Variants in TMEM114 observed in about 807,000 individuals in gnomAD.
TMEM114 encodes transmembrane protein 114.
Under a neutral mutation model 6.2 loss-of-function variants are expected in TMEM114, and 6 were observed. The observed-to-expected ratio is 0.97, with a 90% CI of 0.53 to 1.91. TMEM114 has a LOEUF of 1.91. TMEM114 is among the 40% of genes most tolerant of loss of function. The pLI, the probability that TMEM114 is intolerant of heterozygous loss-of-function variation, is 0.01. For missense variants in TMEM114, 218 were observed against 158.3 expected (o/e 1.38, Z -2.02); for synonymous variants, 104 against 73.0 (o/e 1.42, Z -2.16).
downstream of TMEM114, among the ~76,000 whole-genome samples, chr16:8,565,029 G>C (rs573929911): frequency 1.1e-4 from 16 of 151,772 alleles, no homozygotes; most frequent in Non-Finnish European, 2.2e-4. Context: ...ACATGAGTGA[G>C]TGAATGAGTG....
At chr16:8,555,308 G>A (rs1900974177) in intron 2 of TMEM114, among the ~76,000 whole-genome samples, 1 of 152,236 alleles carries the variant, frequency 6.6e-6, no homozygotes, top group South Asian at 2.1e-4. Context: ...TGGCAGGGTT[G>A]CAGCTCCGTG....
At chr16:8,549,908 C>A (rs941448541) in intron 2 of TMEM114, among the ~76,000 whole-genome samples, 1 of 152,144 alleles carries the variant, frequency 6.6e-6, no homozygotes, top group Non-Finnish European at 1.5e-5. Flanking sequence ...CATCTGCAAG[C>A]TGAGGGGTAA....
Position 8,572,243 on chromosome 16 carries a change from G to C in TMEM114, c.302-19C>G. ...TGCATGGCTTAGAAGAGACAGAGAG[G>C]ATACCAGGCAGAGGACAGTTACTAA... is the stretch of plus-strand genomic sequence containing the variant. On this transcript the variant is annotated intron_variant, in intron 2 of 3. Coordinates refer to ENST00000620492, the MANE Select transcript of TMEM114 (RefSeq NM_001146336.2). 2 of 1,551,474 alleles carry C rather than the reference G, an allele frequency of 1.3e-6. No individual in the cohort carries two copies. The highest frequency in any genetic ancestry group is 2.4e-5 in the South Asian group (2 of 84,044).
In TMEM114 at chr16:8,590,019, C is replaced by G. The variant is rs919203527; in HGVS notation, c.-181G>C. 18 of 381,256 alleles carry G rather than the reference C, an allele frequency of 4.7e-5. No homozygotes were observed. The East Asian group carries it at 6.4e-4, about 14-fold the overall frequency. 23.6% of individuals were successfully genotyped at this position (381,256 alleles called of 1,614,324 possible). A position where few individuals can be genotyped will look rare whatever the true frequency, so the allele number is the denominator to read the frequency against. On this transcript the variant is annotated 5_prime_UTR_variant, in exon 1 of 4. Transcript: ENST00000620492. Reference sequence around the variant, plus strand: ...CCCTAGCTTAGACCCTGGCTCCTCACCTGCCGGCTCCGACCTGCACGCGCC... The same window carrying G: ...CCCTAGCTTAGACCCTGGCTCCTCAGCTGCCGGCTCCGACCTGCACGCGCC...
downstream of TMEM114, among the ~76,000 whole-genome samples, chr16:8,567,510 T>G (rs970910445): frequency 2.6e-5 from 4 of 152,208 alleles, no homozygotes; most frequent in African/African-American, 9.6e-5. Context: ...CTTAGCAGAG[T>G]GTCTCAGCAT....
At chr16:8,570,076 C>T (rs1204278768) in intron 3 of TMEM114, 71 bp from the exon 4 acceptor site, 3 of 1,492,708 alleles carry the variant, frequency 2.0e-6, no homozygotes, top group Non-Finnish European at 2.7e-6. Context: ...TCCTCCTCGC[C>T]CTGCCCAGCC....
chr16:8,574,328 C>T (rs747973941), intron 2 of TMEM114, among the ~76,000 whole-genome samples: 1 of 152,152 alleles, frequency 6.6e-6, no homozygotes, highest in African/African-American at 2.4e-5. Context: ...TGCAGTGTTG[C>T]GTCCCGTAGA....
At chr16:8,536,666 GT>G (rs1377228035), downstream of TMEM114, among the ~76,000 whole-genome samples, 1 of 151,866 alleles carries the variant, frequency 6.6e-6, no homozygotes, top group Non-Finnish European at 1.5e-5. Flanking sequence ...ATTTTGGTTT[GT>G]TTTTGTTTGT....
At chr16:8,576,993 A>G (rs1901960278) in intron 2 of TMEM114, among the ~76,000 whole-genome samples, 1 of 152,244 alleles carries the variant, frequency 6.6e-6, no homozygotes, top group African/African-American at 2.4e-5. Context: ...CCACATGATC[A>G]TAGACCTTCC....
At chr16:8,529,383 A>C in the TMEM114 span, among the ~76,000 whole-genome samples, 6 of 152,322 alleles carry the variant, frequency 3.9e-5, no homozygotes, top group Admixed American at 2.6e-4. Context: ...ATTAGTGGAA[A>C]TGGCTCTTCC....
At chr16:8,552,261 A>G (rs1370835373) in intron 2 of TMEM114, among the ~76,000 whole-genome samples, 1 of 151,958 alleles carries the variant, frequency 6.6e-6, no homozygotes, top group Admixed American at 6.6e-5. Flanking sequence ...GTGTGTGCCT[A>G]TAGTCCCAGC....
rs1481311518 is a variant in TMEM114, at chr16:8,569,654, G to T, written c.*119C>A. Reference sequence around the variant, plus strand: ...CCGCGGGGATTTGTGGGGGAAGGAGGGGGGTGCCTGGCCTCCCCGAGTGGC... The same window carrying T: ...CCGCGGGGATTTGTGGGGGAAGGAGTGGGGTGCCTGGCCTCCCCGAGTGGC... On this transcript the variant is annotated 3_prime_UTR_variant, in exon 4 of 4. Transcript: ENST00000620492. The T allele has an allele frequency of 1.4e-6, 2 of 1,441,368 alleles. No homozygotes were observed. The highest frequency in any genetic ancestry group is 1.8e-6 in the Non-Finnish European group (2 of 1,101,462). The allele number at this position is 1,441,368 out of a possible 1,614,324, so 89.3% of individuals were successfully genotyped here. A position where few individuals can be genotyped will look rare whatever the true frequency, so the allele number is the denominator to read the frequency against.
chr16:8,528,586 ACT>A, the TMEM114 span, among the ~76,000 whole-genome samples: 1 of 151,168 alleles, frequency 6.6e-6, no homozygotes. Flanking sequence ...AGAGTGAATG[ACT>A]CTCTCTCTCT....
At chr16:8,586,729 C>G (rs950902798) in intron 2 of TMEM114, among the ~76,000 whole-genome samples, 3 of 152,112 alleles carry the variant, frequency 2.0e-5, no homozygotes, top group African/African-American at 4.8e-5. Context: ...AGGCTGGTCT[C>G]AAACTCCTGA....
At chr16:8,547,452 G>C (rs574014986) in intron 2 of TMEM114, among the ~76,000 whole-genome samples, 27 of 150,598 alleles carry the variant, frequency 1.8e-4, no homozygotes, top group African/African-American at 5.9e-4. Context: ...GAGTGCAGTG[G>C]TGCAATTTCA....
chr16:8,538,346 T>C (rs749140592), intron 2 of TMEM114, among the ~76,000 whole-genome samples: 3 of 151,264 alleles, frequency 2.0e-5, no homozygotes, highest in Non-Finnish European at 2.9e-5. Context: ...AAAGAATTGA[T>C]GGTGCTGGTT....
At chr16:8,527,767 C>T in the TMEM114 span, among the ~76,000 whole-genome samples, 1 of 152,124 alleles carries the variant, frequency 6.6e-6, no homozygotes, top group South Asian at 2.1e-4. Context: ...AAAGAGGATC[C>T]GATTCTAAAT....
intron 2 of TMEM114, among the ~76,000 whole-genome samples, chr16:8,562,516 ATGAG>A (rs1466125115): frequency 1.5e-4 from 4 of 27,208 alleles, no homozygotes; most frequent in Admixed American, 7.2e-4. Context: ...GAGTGACTGA[ATGAG>A]TGAGTTAATG....
At chr16:8,589,110 C>T (rs920205658) in intron 2 of TMEM114, 103 bp downstream of exon 2, 3 of 396,948 alleles carry the variant, frequency 7.6e-6, no homozygotes, top group African/African-American at 2.1e-5. Context: ...CCACCCCAGC[C>T]GCCCTCTCCG....
Sources: gnomAD v4.1 joint callset for allele counts (sites outside exome capture counted in the v4.1 genomes callset) on GRCh38, gnomAD v4.1.1 for gene constraint, MANE v1.5 for transcripts, NCBI Gene and HGNC (gene_info 2026-07-23, HGNC 2026-07-21) for gene names.